Variants in DIP2C observed in about 807,000 individuals in gnomAD.
The protein encoded by DIP2C is DIP2 acetate--CoA ligase C (putative).
In DIP2C, 33 loss-of-function variants were observed where a neutral mutation model predicts 192.4. That is an observed-to-expected ratio of 0.17 (90% CI 0.13 to 0.23). The LOEUF is 0.23. Among genes scored for constraint, DIP2C ranks in the 10% least tolerant of loss-of-function variants. The probability of loss-of-function intolerance (pLI) is 1.00; values close to 1 mark genes in which losing one functional copy is unlikely to be tolerated. For synonymous variants in DIP2C, 979 were observed against 864.1 expected, an observed-to-expected ratio of 1.13 and a Z score of -2.33; for missense variants, 1,537 against 2,110.1, an observed-to-expected ratio of 0.73 and a Z score of 5.32.
intron 1 of DIP2C, among the ~76,000 whole-genome samples, chr10:614,372 C>T (rs1008718574): frequency 2.0e-5 from 3 of 152,240 alleles, no homozygotes; most frequent in African/African-American, 4.8e-5. Flanking sequence ...TGGACATGCA[C>T]CTCTTTGTCT....
rs557255878 is a variant in DIP2C, at chr10:424,355, G to GTTTTTTTTTTTTTTTT, written c.395-1338_395-1323dup. On this transcript the variant is annotated intron_variant, in intron 4 of 36. Coordinates refer to ENST00000280886, the MANE Select transcript of DIP2C (RefSeq NM_014974.3). ...GCCTGAAAATTCTCTATCACCTTGG[G>GTTTTTTTTTTTTTTTT]TTTTTTTTTTTTTTTTTTTTTTTTT... is the stretch of plus-strand genomic sequence containing the variant. Among the ~76,000 whole-genome samples, 50 of 83,118 alleles carry GTTTTTTTTTTTTTTTT rather than the reference G, an allele frequency of 6.0e-4. 4 individuals carry two copies. The highest frequency in any genetic ancestry group is 2.3e-3 in the African/African-American group (50 of 22,148). The allele number at this position is 83,118 out of a possible 152,430, so 54.5% of individuals were successfully genotyped here. A position where few individuals can be genotyped will look rare whatever the true frequency, so the allele number is the denominator to read the frequency against.
chr10:369,396 ACGGGAACG>A (rs368707271), intron 18 of DIP2C, 90 bp downstream of exon 18: 40 of 1,435,808 alleles, frequency 2.8e-5, no homozygotes, highest in African/African-American at 5.7e-5. Flanking sequence ...AGGGCACACC[ACGGGAACG>A]CGGGAACGTG....
At chr10:597,918 C>CA (rs1005864343) in intron 1 of DIP2C, among the ~76,000 whole-genome samples, 1 of 152,194 alleles carries the variant, frequency 6.6e-6, no homozygotes, top group Non-Finnish European at 1.5e-5. Flanking sequence ...GCCATGCCCC[C>CA]AGGGGCCAAG....
At chr10:519,483 C>T (rs1262895616) in intron 1 of DIP2C, among the ~76,000 whole-genome samples, 4 of 152,210 alleles carry the variant, frequency 2.6e-5, no homozygotes, top group African/African-American at 9.7e-5. Flanking sequence ...AGGCAGGACC[C>T]CCACCTCCCC....
intron 29 of DIP2C, among the ~76,000 whole-genome samples, chr10:337,049 G>GGTGTGTGTGTGTGTGT (rs148004134): frequency 0.033 from 1,242 of 37,902 alleles, 267 homozygotes; most frequent in Admixed American, 0.041. Context: ...GGCCTAGACT[G>GGTGTGTGTGTGTGTGT]GTGTGTGTGT....
chr10:375,716 C>T (rs1961488794), intron 17 of DIP2C, among the ~76,000 whole-genome samples: 1 of 152,150 alleles, frequency 6.6e-6, no homozygotes, highest in Non-Finnish European at 1.5e-5. Context: ...CCAGGCCAGG[C>T]TTGGGACATT....
At chr10:489,747 C>T (rs1335055285) in intron 1 of DIP2C, among the ~76,000 whole-genome samples, 1 of 113,758 alleles carries the variant, frequency 8.8e-6, no homozygotes, top group Non-Finnish European at 1.8e-5. Flanking sequence ...ACTAGGGACA[C>T]GGTGGCTCTG....
chr10:384,674 G>A, intron 14 of DIP2C, 35 bp from the exon 15 acceptor site: 1 of 1,604,870 alleles, frequency 6.2e-7, no homozygotes, highest in Non-Finnish European at 8.5e-7. Flanking sequence ...GGGTGAGCAT[G>A]GAGGGGCACG....
chr10:622,730 C>T (rs1384677399), intron 1 of DIP2C, among the ~76,000 whole-genome samples: 1 of 152,176 alleles, frequency 6.6e-6, no homozygotes, highest in Non-Finnish European at 1.5e-5. Context: ...GTCAAACTCA[C>T]GTTCTTCACG....
intron 1 of DIP2C, among the ~76,000 whole-genome samples, chr10:542,567 C>T (rs2130907999): frequency 6.6e-6 from 1 of 152,366 alleles, no homozygotes; most frequent in Admixed American, 6.5e-5. Context: ...GAGTAAAAAC[C>T]CTCCCAAGCC....
intron 8 of DIP2C, among the ~76,000 whole-genome samples, chr10:412,629 A>T (rs1965262170): frequency 6.6e-6 from 1 of 152,194 alleles, no homozygotes; most frequent in Non-Finnish European, 1.5e-5. Context: ...CCCAAATCCC[A>T]CATCTGTCCT....
intron 31 of DIP2C, among the ~76,000 whole-genome samples, chr10:320,120 T>C (rs1956942956): frequency 6.6e-6 from 1 of 152,214 alleles, no homozygotes; most frequent in African/African-American, 2.4e-5. Context: ...CTGGTGAAGA[T>C]TCACACCAGG....
chr10:485,174 T>C (rs1158987624), intron 2 of DIP2C, among the ~76,000 whole-genome samples: 6 of 152,204 alleles, frequency 3.9e-5, no homozygotes, highest in African/African-American at 1.2e-4. Context: ...TGTTTCACTT[T>C]TGTTTGGCAA....
At chr10:355,699 A>G (rs1959049051) in intron 24 of DIP2C, among the ~76,000 whole-genome samples, 1 of 152,238 alleles carries the variant, frequency 6.6e-6, no homozygotes, top group African/African-American at 2.4e-5. Flanking sequence ...TTTCTCATGT[A>G]AAGTGTAAAC....
chr10:689,451 C>T lies in DIP2C; in HGVS notation c.85+43G>A, dbSNP rs1831464650. 4 of 1,087,754 alleles carry T rather than the reference C, an allele frequency of 3.7e-6. No individual in the cohort carries two copies. Among genetic ancestry groups the T allele is most frequent in the Admixed American group, 4.9e-5 (1 of 20,320 alleles). 67.4% of individuals were successfully genotyped at this position (1,087,754 alleles called of 1,614,324 possible). ...CCCCAGCCCTCCGCGCGCGGCCCTC[C>T]CCGGTGACAGCGCGGCCCGGCCCGG... On this transcript the variant is annotated intron_variant, in intron 1 of 36. Coordinates refer to ENST00000280886, the MANE Select transcript of DIP2C (RefSeq NM_014974.3). The surrounding 1 kb of genome is among the most constrained non-coding windows in gnomAD (Gnocchi z 6.1).
In DIP2C at chr10:424,355, G is replaced by GTTTTTTTTTTTTTTT. The variant is rs557255878; in HGVS notation, c.395-1337_395-1323dup. On this transcript the variant is annotated intron_variant, in intron 4 of 36. Transcript: ENST00000280886. ...GCCTGAAAATTCTCTATCACCTTGG[G>GTTTTTTTTTTTTTTT]TTTTTTTTTTTTTTTTTTTTTTTTT... Among the ~76,000 whole-genome samples, 111 of 83,118 alleles carry GTTTTTTTTTTTTTTT rather than the reference G, an allele frequency of 1.3e-3. 5 individuals are homozygous for GTTTTTTTTTTTTTTT. The highest frequency in any genetic ancestry group is 4.9e-3 in the African/African-American group (108 of 22,146). 54.5% of individuals were successfully genotyped at this position (83,118 alleles called of 152,430 possible).
chr10:585,521 G>A (rs1262974450), intron 1 of DIP2C, among the ~76,000 whole-genome samples: 1 of 152,212 alleles, frequency 6.6e-6, no homozygotes, highest in Non-Finnish European at 1.5e-5. Flanking sequence ...CCCAGGTGAT[G>A]TGGGCACACA....
chr10:622,731 G>A (rs187704579), intron 1 of DIP2C, among the ~76,000 whole-genome samples: 19 of 152,138 alleles, frequency 1.2e-4, no homozygotes, highest in Admixed American at 1.1e-3. Context: ...TCAAACTCAC[G>A]TTCTTCACGT....
At chr10:338,875 ACCTGCAC>A (rs55860612) in intron 29 of DIP2C, among the ~76,000 whole-genome samples, 37,524 of 123,376 alleles carry the variant, frequency 0.3, 6,010 homozygotes, top group East Asian at 0.46. Flanking sequence ...AGCCCACCCC[ACCTGCAC>A]CCTGCACCCT....
Sources: allele counts gnomAD v4.1 joint callset (sites outside exome capture counted in the v4.1 genomes callset), GRCh38; gene constraint gnomAD v4.1.1; non-coding constraint Gnocchi (gnomAD v3.1); transcripts MANE v1.5; gene names NCBI Gene and HGNC (gene_info 2026-07-23, HGNC 2026-07-21).